Variants in ADGRG6 observed in about 807,000 individuals in gnomAD.
The protein encoded by ADGRG6 is G-protein coupled receptor 126.
Under a neutral mutation model 142.4 loss-of-function variants are expected in ADGRG6, and 84 were observed. That is an observed-to-expected ratio of 0.59 (90% confidence interval 0.49 to 0.71). The LOEUF (loss-of-function observed/expected upper bound fraction) is 0.71. Among genes scored for constraint, ADGRG6 ranks in the 30% least tolerant of loss-of-function variants. The pLI, the probability that ADGRG6 is intolerant of heterozygous loss-of-function variation, is 0.00. For synonymous variants in ADGRG6, 521 were observed against 520.5 expected (o/e 1.00, Z -0.01); for missense variants, 1,367 against 1,466.6 (o/e 0.93, Z 1.11).
chr6:142,318,754 T>A (rs113436743), intron 2 of ADGRG6, among the ~76,000 whole-genome samples: 10 of 152,080 alleles, frequency 6.6e-5, no homozygotes, highest in African/African-American at 2.4e-4. Context: ...AATGCACAGA[T>A]GCATTATAAA....
chr6:142,347,833 A>T (rs1426562852), intron 2 of ADGRG6, among the ~76,000 whole-genome samples: 1 of 152,186 alleles, frequency 6.6e-6, no homozygotes, highest in Non-Finnish European at 1.5e-5. Flanking sequence ...ATAATTCATC[A>T]TAGCTTCCAA....
intron 2 of ADGRG6, among the ~76,000 whole-genome samples, chr6:142,333,411 C>A (rs1170909569): frequency 6.6e-6 from 1 of 152,134 alleles, no homozygotes; most frequent in East Asian, 1.9e-4. Flanking sequence ...TATGGCAGAC[C>A]TGGACTATCA....
At chr6:142,386,613 G>T (rs1026407490) in intron 6 of ADGRG6, among the ~76,000 whole-genome samples, 4 of 152,110 alleles carry the variant, frequency 2.6e-5, no homozygotes, top group Non-Finnish European at 4.4e-5. Context: ...ACCAATATGG[G>T]GGTTTGCCGA....
chr6:142,381,108 C>T (rs1183614908), intron 4 of ADGRG6, among the ~76,000 whole-genome samples: 1 of 152,148 alleles, frequency 6.6e-6, no homozygotes, highest in Non-Finnish European at 1.5e-5. Context: ...TACCGTTTAC[C>T]TAGTTATGTA....
At chr6:142,422,472 T>C (rs1389426715) in intron 22 of ADGRG6, among the ~76,000 whole-genome samples, 1 of 152,246 alleles carries the variant, frequency 6.6e-6, no homozygotes, top group Non-Finnish European at 1.5e-5. Context: ...ATTTCATCCA[T>C]GTCCCTACAA....
At chr6:142,405,427 AT>A (rs1159513087) in intron 14 of ADGRG6, 9 of 562,352 alleles carry the variant, frequency 1.6e-5, no homozygotes, top group Admixed American at 1.5e-4. Context: ...ATGTTGACTG[AT>A]TTATAGATTT....
chr6:142,414,376 CA>C (rs1473959008), intron 18 of ADGRG6, among the ~76,000 whole-genome samples: 1 of 152,116 alleles, frequency 6.6e-6, no homozygotes, highest in African/African-American at 2.4e-5. Flanking sequence ...CTATGACCCC[CA>C]AAAGTCTTAA....
At chr6:142,410,983 T>A (rs1205645234) in intron 17 of ADGRG6, among the ~76,000 whole-genome samples, 1 of 152,134 alleles carries the variant, frequency 6.6e-6, no homozygotes, top group Non-Finnish European at 1.5e-5. Context: ...TAGTGTGTAG[T>A]GTATTTGAAA....
At chr6:142,426,894 T>C (rs1181089813) in intron 22 of ADGRG6, among the ~76,000 whole-genome samples, 1 of 152,206 alleles carries the variant, frequency 6.6e-6, no homozygotes, top group Non-Finnish European at 1.5e-5. Flanking sequence ...CCTTGGACTC[T>C]TAGTGGCAGC....
intron 24 of ADGRG6, 96 bp downstream of exon 24, chr6:142,438,460 G>T: frequency 4.7e-6 from 3 of 639,192 alleles, no homozygotes; most frequent in Non-Finnish European, 5.0e-6. Context: ...TGCCTAAGAG[G>T]GTGCATCTTT....
chr6:142,374,147 C>G (rs1359577644), intron 4 of ADGRG6, among the ~76,000 whole-genome samples: 1 of 152,054 alleles, frequency 6.6e-6, no homozygotes, highest in Non-Finnish European at 1.5e-5. Flanking sequence ...TGTTTACAGT[C>G]TAGCCCTTTA....
rs547264000 is a variant in ADGRG6 at position 142,371,483 on chromosome 6, T to G, written c.1069+690T>G. On this transcript the variant is annotated intron_variant, in intron 4 of 24. Transcript: ENST00000367609. ...TGCCTGGCCAGTTACTGTTTTTTTT[T>G]GTTTTTTTTTTTTTTTTTGAGACAG... Among the ~76,000 whole-genome samples the G allele has an allele frequency of 2.5e-4, 35 of 137,972 alleles. No homozygotes were observed. In the South Asian group the frequency reaches 7.5e-3, roughly 30 times the overall value. The allele number at this position is 137,972 out of a possible 152,430, so 90.5% of individuals were successfully genotyped here.
chr6:142,307,094 A>G (rs1413961067), intron 1 of ADGRG6, among the ~76,000 whole-genome samples: 1 of 152,152 alleles, frequency 6.6e-6, no homozygotes, highest in East Asian at 1.9e-4. Flanking sequence ...TATAGCAAAG[A>G]AGTTGCCTGA....
intron 2 of ADGRG6, among the ~76,000 whole-genome samples, chr6:142,356,823 A>G (rs1035478311): frequency 6.6e-6 from 1 of 152,242 alleles, no homozygotes; most frequent in African/African-American, 2.4e-5. Context: ...CCAAATAACC[A>G]CATAAGCACG....
At chr6:142,325,074 G>A (rs956440186) in intron 2 of ADGRG6, among the ~76,000 whole-genome samples, 8 of 152,040 alleles carry the variant, frequency 5.3e-5, no homozygotes, top group Admixed American at 1.3e-4. Flanking sequence ...ACAAATCCTC[G>A]TAGCTCATTC....
chr6:142,408,306 G>A, intron 16 of ADGRG6, 37 bp downstream of exon 16: 2 of 1,503,386 alleles, frequency 1.3e-6, no homozygotes, highest in Non-Finnish European at 1.8e-6. Flanking sequence ...GGACAGAAGT[G>A]GACTATTTAA....
At chr6:142,338,274 C>A (rs930148315) in intron 2 of ADGRG6, among the ~76,000 whole-genome samples, 30 of 151,250 alleles carry the variant, frequency 2.0e-4, no homozygotes, top group African/African-American at 7.2e-4. Flanking sequence ...TCCCAAAGTG[C>A]TGGGATTACA....
At chr6:142,438,535 T>C (rs1240998070) in intron 24 of ADGRG6, among the ~76,000 whole-genome samples, 171 bp downstream of exon 24, 1 of 152,200 alleles carries the variant, frequency 6.6e-6, no homozygotes, top group Non-Finnish European at 1.5e-5. Context: ...TATTTTGTCC[T>C]TTTAAAAATT....
At chr6:142,425,887 A>G (rs2115131969) in intron 22 of ADGRG6, among the ~76,000 whole-genome samples, 1 of 152,282 alleles carries the variant, frequency 6.6e-6, no homozygotes, top group South Asian at 2.1e-4. Context: ...TTTGTGCAGA[A>G]AAACTCCCAT....
Sources: gnomAD v4.1 joint callset for allele counts (sites outside exome capture counted in the v4.1 genomes callset) on GRCh38, gnomAD v4.1.1 for gene constraint, MANE v1.5 for transcripts, NCBI Gene and HGNC (gene_info 2026-07-23, HGNC 2026-07-21) for gene names.